Variants in C9 observed in about 807,000 individuals in gnomAD.
The protein encoded by C9 is complement component C9.
C9 carries 63 observed loss-of-function variants against 65.4 expected under a neutral mutation model. That is an observed-to-expected ratio of 0.96 (90% CI 0.79 to 1.19). C9 has a LOEUF of 1.19. C9 is among the 50% of genes most tolerant of loss of function. The pLI is 0.00. For synonymous variants in C9, 229 were observed against 227.9 expected, an observed-to-expected ratio of 1.00 and a Z score of -0.04; for missense variants, 744 against 670.1, an observed-to-expected ratio of 1.11 and a Z score of -1.22.
chr5:39,319,003 C>T (rs1306260811), intron 5 of C9, among the ~76,000 whole-genome samples: 1 of 152,122 alleles, frequency 6.6e-6, no homozygotes, highest in Non-Finnish European at 1.5e-5. Context: ...CCATAAGTCC[C>T]TTTTATGCTG....
intron 4 of C9, 119 bp from the exon 5 acceptor site, chr5:39,331,933 G>T: frequency 1.2e-6 from 1 of 868,898 alleles, no homozygotes. Context: ...CAATATGTGT[G>T]TGCTATAATC....
chr5:39,308,993 G>A (rs1448318048), intron 7 of C9, among the ~76,000 whole-genome samples: 1 of 152,054 alleles, frequency 6.6e-6, no homozygotes, highest in Non-Finnish European at 1.5e-5. Flanking sequence ...TCATCGCTTT[G>A]GACAGATGGC....
chr5:39,304,101 C>T (rs750650044), intron 9 of C9, among the ~76,000 whole-genome samples: 31 of 152,174 alleles, frequency 2.0e-4, no homozygotes, highest in Admixed American at 3.3e-4. Context: ...CAGAAATACA[C>T]TACAGGAACT....
At chr5:39,347,381 GACAA>G (rs956330225) in intron 1 of C9, among the ~76,000 whole-genome samples, 135 of 152,190 alleles carry the variant, frequency 8.9e-4, no homozygotes, top group Middle Eastern at 3.4e-3. Context: ...ACCAATAACA[GACAA>G]ACAGAGAGCC....
At chr5:39,289,071 T>C in intron 9 of C9, 120 bp from the exon 10 acceptor site, 2 of 697,920 alleles carry the variant, frequency 2.9e-6, no homozygotes, top group Non-Finnish European at 5.2e-6. Flanking sequence ...ATTGAATGTA[T>C]AGTATTGCCA....
intron 6 of C9, among the ~76,000 whole-genome samples, chr5:39,313,914 G>T (rs1753529604): frequency 6.6e-6 from 1 of 152,038 alleles, no homozygotes; most frequent in Admixed American, 6.6e-5. Context: ...CTCCAAATCT[G>T]CTCTATCTGA....
At chr5:39,359,995 T>C in intron 1 of C9, among the ~76,000 whole-genome samples, 1 of 152,300 alleles carries the variant, frequency 6.6e-6, no homozygotes, top group African/African-American at 2.4e-5. Flanking sequence ...TTGCATGGAA[T>C]ATAAAAATGA....
chr5:39,318,978 C>T (rs1002893905), intron 5 of C9, among the ~76,000 whole-genome samples: 2 of 152,188 alleles, frequency 1.3e-5, no homozygotes, highest in African/African-American at 4.8e-5. Flanking sequence ...TGTTCCACAA[C>T]CCATGCTGTT....
At chr5:39,298,223 T>C (rs1753219607) in intron 9 of C9, among the ~76,000 whole-genome samples, 1 of 150,446 alleles carries the variant, frequency 6.6e-6, no homozygotes, top group African/African-American at 2.4e-5. Flanking sequence ...GAAAAAAATA[T>C]CTAAAATCAA....
intron 1 of C9, among the ~76,000 whole-genome samples, chr5:39,355,698 A>T (rs759255191): frequency 2.4e-4 from 37 of 152,170 alleles, no homozygotes; most frequent in Non-Finnish European, 4.1e-4. Flanking sequence ...ACAAAGTACC[A>T]CAGACTGGGT....
rs755359416 is a variant in C9, at chr5:39,341,209, G to A, written c.413C>T (p.Pro138Leu). The A allele has an allele frequency of 9.3e-6, 15 of 1,613,958 alleles. No individual in the cohort carries two copies. In the African/African-American group the frequency reaches 1.6e-4, roughly 17 times the overall value. ...CACTCTGTCTCTGCAGGGGGGACGG[G>A]GCTCACTTTCACAATCATCCTCATC... The part of the protein sequence containing the change: ...FSDEDDCESE[P>L]RPPCRDRVVE... The change falls in exon 4 of 11, where the codon CCC (proline) becomes CTC (leucine). Residue 138 changes from proline to leucine, a missense_variant. Coordinates refer to ENST00000263408, the MANE Select transcript of C9 (RefSeq NM_001737.5).
Position 39,358,984 on chromosome 5 carries a change from CAAAA to C in C9, c.77+5400_77+5403del, listed in dbSNP as rs1210479485. Among the ~76,000 whole-genome samples the C allele has an allele frequency of 8.5e-4, 90 of 106,470 alleles. 1 individual carries two copies. Among genetic ancestry groups the C allele is most frequent in the Non-Finnish European group, 1.3e-3 (70 of 52,078 alleles). 69.8% of individuals were successfully genotyped at this position (106,470 alleles called of 152,430 possible). On this transcript the variant is annotated intron_variant, in intron 1 of 10. Coordinates refer to ENST00000263408, the MANE Select transcript of C9 (RefSeq NM_001737.5). ...TGGGTGGCAGAGCGAGACTCCATCT[CAAAA>C]AAATAAATAAATAAATAAATAAATA...
At chr5:39,360,686 G>GA (rs1754500508) in intron 1 of C9, among the ~76,000 whole-genome samples, 1 of 151,862 alleles carries the variant, frequency 6.6e-6, no homozygotes, top group East Asian at 1.9e-4. Flanking sequence ...TTCAATGTAT[G>GA]AAAAAAATGT....
Position 39,341,258 on chromosome 5 carries a change from C to T in C9, c.364G>A (p.Asp122Asn). Residue 122 changes from aspartate (D) to asparagine (N), a missense_variant, in exon 4 of 11, where the codon GAC becomes AAC. Physicochemically the swap from Asp to Asn is conservative, Grantham distance 23. Transcript: ENST00000263408. ...CIKMRLRCNG[D>N]NDCGDFSDED... Reference sequence around the variant, plus strand: ...TCTGAAAAGTCTCCGCAGTCATTGTCACCATTACACCGAAGTCGCATCTTT... The same window carrying T: ...TCTGAAAAGTCTCCGCAGTCATTGTTACCATTACACCGAAGTCGCATCTTT... 6.2e-7 allele frequency: 1 copy of T among 1,614,140 alleles called. No individual in the cohort carries two copies. Among genetic ancestry groups the T allele is most frequent in the Non-Finnish European group, 8.5e-7 (1 of 1,180,006 alleles).
chr5:39,336,054 TA>T (rs1192602948), intron 4 of C9, among the ~76,000 whole-genome samples: 2 of 152,034 alleles, frequency 1.3e-5, no homozygotes, highest in Non-Finnish European at 2.9e-5. Context: ...TAATTCCTAA[TA>T]ATGTTGTCAT....
At chr5:39,296,967 T>C (rs1347068644) in intron 9 of C9, among the ~76,000 whole-genome samples, 1 of 151,274 alleles carries the variant, frequency 6.6e-6, no homozygotes, top group Non-Finnish European at 1.5e-5. Flanking sequence ...ATAAAGGCCA[T>C]ATATGACAAA....
intron 9 of C9, among the ~76,000 whole-genome samples, chr5:39,291,262 A>G (rs201805297): frequency 3.5e-5 from 2 of 57,598 alleles, no homozygotes; most frequent in Non-Finnish European, 5.4e-5. Context: ...AATAGATTTG[A>G]AAAAAAGAAA....
At chr5:39,330,477 C>T (rs569433242) in intron 5 of C9, among the ~76,000 whole-genome samples, 19 of 152,132 alleles carry the variant, frequency 1.2e-4, no homozygotes, top group African/African-American at 2.4e-4. Context: ...ACAGGAAAAC[C>T]GTAAAATGCA....
intron 1 of C9, among the ~76,000 whole-genome samples, chr5:39,350,960 A>C (rs1160038276): frequency 6.6e-6 from 1 of 152,178 alleles, no homozygotes; most frequent in Non-Finnish European, 1.5e-5. Context: ...GAGGTTCTCC[A>C]CAAGGGCACC....
Sources: gnomAD v4.1 joint callset for allele counts (sites outside exome capture counted in the v4.1 genomes callset) on GRCh38, gnomAD v4.1.1 for gene constraint, MANE v1.5 for transcripts, NCBI Gene and HGNC (gene_info 2026-07-23, HGNC 2026-07-21) for gene names.